Variants in KMT5B observed in about 807,000 individuals in gnomAD.
KMT5B encodes lysine methyltransferase 5B.
In KMT5B, 10 loss-of-function variants were observed where a neutral mutation model predicts 83.2. That is an observed-to-expected ratio of 0.12 (90% CI 0.07 to 0.20). KMT5B has a LOEUF of 0.20. Among genes scored for constraint, KMT5B ranks in the 10% least tolerant of loss-of-function variants. The probability of loss-of-function intolerance (pLI) is 1.00; values close to 1 mark genes in which losing one functional copy is unlikely to be tolerated. For synonymous variants in KMT5B, 349 were observed against 388.8 expected (o/e 0.90, Z 1.20); for missense variants, 753 against 1,067.2 (o/e 0.71, Z 4.10).
chr11:68,180,688 C>T (rs1856831203), intron 3 of KMT5B, among the ~76,000 whole-genome samples: 1 of 152,320 alleles, frequency 6.6e-6, no homozygotes, highest in African/African-American at 2.4e-5. Flanking sequence ...GCTCAGCTCA[C>T]TGCTGGCCTG....
At chr11:68,159,467 G>A (rs527745072) in intron 10 of KMT5B, among the ~76,000 whole-genome samples, 1 of 152,300 alleles carries the variant, frequency 6.6e-6, no homozygotes, top group South Asian at 2.1e-4. Context: ...TCGTGACACT[G>A]GCCCAAACGA....
At chr11:68,207,357 G>A (rs146899340) in intron 1 of KMT5B, among the ~76,000 whole-genome samples, 49 of 152,192 alleles carry the variant, frequency 3.2e-4, no homozygotes, top group East Asian at 3.1e-3. Context: ...CCCTATAAAA[G>A]AAGATACAAA....
At chr11:68,180,621 GA>G (rs1255342893) in intron 3 of KMT5B, among the ~76,000 whole-genome samples, 1 of 152,116 alleles carries the variant, frequency 6.6e-6, no homozygotes, top group Admixed American at 6.6e-5. Flanking sequence ...AAGAAAAGTT[GA>G]AAAGAGAAAC....
chr11:68,172,992 A>G (rs1039556859), intron 6 of KMT5B, among the ~76,000 whole-genome samples: 6 of 152,308 alleles, frequency 3.9e-5, no homozygotes, highest in Middle Eastern at 3.4e-3. Flanking sequence ...AAGAAGATAC[A>G]GTAGTATATT....
intron 10 of KMT5B, among the ~76,000 whole-genome samples, chr11:68,163,404 C>A (rs2153044184): frequency 6.6e-6 from 1 of 152,330 alleles, no homozygotes; most frequent in African/African-American, 2.4e-5. Flanking sequence ...CACGCTTATG[C>A]TGCCTATAAG....
chr11:68,169,101 C>T (rs1855593062), intron 9 of KMT5B, among the ~76,000 whole-genome samples: 1 of 152,216 alleles, frequency 6.6e-6, no homozygotes, highest in African/African-American at 2.4e-5. Context: ...CACTATTCTC[C>T]ATCATGCTGT....
At chr11:68,185,971 T>C (rs371707106) in intron 2 of KMT5B, 43 bp from the exon 3 acceptor site, 16 of 1,533,934 alleles carry the variant, frequency 1.0e-5, no homozygotes, top group Admixed American at 9.9e-5. Flanking sequence ...AATTGAAAAC[T>C]ACTTAAATCT....
intron 1 of KMT5B, among the ~76,000 whole-genome samples, chr11:68,196,764 G>A (rs531868345): frequency 2.6e-5 from 4 of 152,018 alleles, no homozygotes; most frequent in African/African-American, 9.7e-5. Flanking sequence ...CAGAGAAAAA[G>A]AACCAGGACC....
intron 1 of KMT5B, among the ~76,000 whole-genome samples, chr11:68,200,126 T>TA (rs1425172296): frequency 6.6e-6 from 1 of 152,212 alleles, no homozygotes; most frequent in Non-Finnish European, 1.5e-5. Context: ...CTGGTATTTT[T>TA]ATCTTCAAAT....
intron 6 of KMT5B, among the ~76,000 whole-genome samples, chr11:68,172,365 G>GACT (rs1457722921): frequency 6.6e-6 from 1 of 151,770 alleles, no homozygotes; most frequent in Non-Finnish European, 1.5e-5. Context: ...AAGTAGCTGG[G>GACT]ACTACAGGTG....
At chr11:68,169,183 C>T (rs908535811) in intron 9 of KMT5B, among the ~76,000 whole-genome samples, 3 of 152,164 alleles carry the variant, frequency 2.0e-5, no homozygotes, top group African/African-American at 7.2e-5. Flanking sequence ...GTGGGATTAT[C>T]CTCATTTTCA....
At chr11:68,173,335 C>A (rs1217103030) in intron 6 of KMT5B, among the ~76,000 whole-genome samples, 5 of 152,160 alleles carry the variant, frequency 3.3e-5, no homozygotes, top group African/African-American at 4.8e-5. Context: ...GCCAATGCCC[C>A]CCACCAACTC....
intron 1 of KMT5B, among the ~76,000 whole-genome samples, chr11:68,197,669 T>C (rs1858887418): frequency 6.6e-6 from 1 of 152,172 alleles, no homozygotes; most frequent in Non-Finnish European, 1.5e-5. Flanking sequence ...CCCTCAGATC[T>C]CATTTATATT....
At chr11:68,206,784 CCAT>C (rs967968767) in intron 1 of KMT5B, among the ~76,000 whole-genome samples, 2 of 152,058 alleles carry the variant, frequency 1.3e-5, no homozygotes, top group East Asian at 1.9e-4. Context: ...CTATTCCCCA[CCAT>C]AACTCACACA....
chr11:68,181,302 T>TGACCTCGTGATCCACCC (rs1856908611), intron 3 of KMT5B, among the ~76,000 whole-genome samples: 1 of 152,178 alleles, frequency 6.6e-6, no homozygotes, highest in South Asian at 2.1e-4. Flanking sequence ...GTCGAACACC[T>TGACCTCGTGATCCACCC]GACCTCGTGA....
chr11:68,166,755 C>A (rs1016091474), intron 10 of KMT5B: 118 of 1,377,294 alleles, frequency 8.6e-5, no homozygotes, highest in Non-Finnish European at 1.1e-4. Context: ...TATCCAGTTA[C>A]CAAGGTATTC....
intron 6 of KMT5B, among the ~76,000 whole-genome samples, chr11:68,173,497 G>A (rs1456586398): frequency 2.0e-5 from 3 of 152,116 alleles, no homozygotes; most frequent in Non-Finnish European, 4.4e-5. Flanking sequence ...GTAGAAGACT[G>A]ACTGTGGAAG....
chr11:68,198,260 T>A (rs1858959363), intron 1 of KMT5B, among the ~76,000 whole-genome samples: 1 of 152,112 alleles, frequency 6.6e-6, no homozygotes, highest in Non-Finnish European at 1.5e-5. Flanking sequence ...GTCACATGCC[T>A]GTAATCCCAG....
chr11:68,212,298 C>T (rs567161564), intron 1 of KMT5B, among the ~76,000 whole-genome samples: 1 of 152,218 alleles, frequency 6.6e-6, no homozygotes, highest in East Asian at 1.9e-4. Context: ...TTCACCTGCC[C>T]TCTATTCTAA....
Sources: allele counts gnomAD v4.1 joint callset (sites outside exome capture counted in the v4.1 genomes callset), GRCh38; gene constraint gnomAD v4.1.1; transcripts MANE v1.5; gene names NCBI Gene and HGNC (gene_info 2026-07-23, HGNC 2026-07-21).